PRDM11: variants seen among roughly 807,000 people sequenced by gnomAD.
The protein encoded by PRDM11 is PR domain-containing protein 11.
PRDM11 carries 20 observed loss-of-function variants against 97.8 expected under a neutral mutation model. The ratio of observed to expected loss-of-function variants is 0.20; its 90% CI spans 0.14 to 0.30. The LOEUF (loss-of-function observed/expected upper bound fraction) is 0.30. Ranked by LOEUF, PRDM11 falls within the 10% of genes least tolerant of loss-of-function variation. The pLI, the probability that PRDM11 is intolerant of heterozygous loss-of-function variation, is 1.00. For missense variants in PRDM11, 1,139 were observed against 1,555.2 expected, an observed-to-expected ratio of 0.73 and a Z score of 4.50; for synonymous variants, 599 against 637.7, an observed-to-expected ratio of 0.94 and a Z score of 0.91.
chr11:45,182,293 T>C lies in PRDM11; in HGVS notation c.167T>C (p.Leu56Pro). The C allele has an allele frequency of 6.2e-7, 1 of 1,614,010 alleles. No individual in the cohort carries two copies. Among genetic ancestry groups the C allele is most frequent in the Middle Eastern group, 1.6e-4 (1 of 6,062 alleles). Residue 56 changes from leucine (L) to proline (P), a missense_variant, in exon 3 of 8, where the codon CTG becomes CCG. Leu to Pro is a moderately conservative substitution (Grantham distance 98, BLOSUM62 -3). Transcript: ENST00000683152. ...GCCATGGAAGTTGAGCCCAAGAAACTGAAGGGGAAGCGCGACCTCATCGTG... is the reference window on the plus strand; with the variant it reads ...GCCATGGAAGTTGAGCCCAAGAAACCGAAGGGGAAGCGCGACCTCATCGTG... ...SSAMEVEPKK[L>P]KGKRDLIVPK...
chr11:45,175,930 T>G (rs1359174272), intron 1 of PRDM11, among the ~76,000 whole-genome samples: 1 of 152,260 alleles, frequency 6.6e-6, no homozygotes, highest in African/African-American at 2.4e-5. Context: ...TGGTTTTCCT[T>G]AAAGCATATT....
chr11:45,099,374 T>TCGGGAGG (rs1413723790), intron 1 of PRDM11, among the ~76,000 whole-genome samples: 1 of 147,838 alleles, frequency 6.8e-6, no homozygotes. Context: ...TTGCTTGAAC[T>TCGGGAGG]CGGGAGGCGG....
At chr11:45,116,498 A>G (rs998543182) in intron 1 of PRDM11, among the ~76,000 whole-genome samples, 5 of 152,370 alleles carry the variant, frequency 3.3e-5, no homozygotes, top group Admixed American at 3.3e-4. Context: ...GGTATCTAGA[A>G]AATCCTCAGA....
chr11:45,111,133 C>T (rs182198392), intron 1 of PRDM11, among the ~76,000 whole-genome samples: 27 of 152,208 alleles, frequency 1.8e-4, no homozygotes, highest in Admixed American at 7.2e-4. Context: ...TAATTCTAAG[C>T]ACTAGTTCTT....
intron 1 of PRDM11, among the ~76,000 whole-genome samples, chr11:45,115,934 AAAAAAAAG>A (rs1219043301): frequency 2.6e-5 from 4 of 151,904 alleles, no homozygotes; most frequent in East Asian, 1.9e-4. Context: ...ATCTCAAAAA[AAAAAAAAG>A]AAAAAAAGAA....
chr11:45,188,978 C>T (rs535453974), intron 4 of PRDM11, among the ~76,000 whole-genome samples: 32 of 152,178 alleles, frequency 2.1e-4, no homozygotes, highest in African/African-American at 7.7e-4. Context: ...CTCAGCTCAC[C>T]GCAACCTCTG....
chr11:45,226,683 C>T lies in PRDM11; in HGVS notation c.2058C>T (p.Pro686=), dbSNP rs551530430. The change falls in exon 8 of 8, where the codon CCC becomes CCT. Residue 686 remains proline (P), a synonymous_variant. Coordinates refer to ENST00000683152, the MANE Select transcript of PRDM11 (RefSeq NM_001384648.1). Reference sequence around the variant, plus strand: ...TTCAGTACACCAGCAGTGATGGGCCCCCGGCCACAGAGTTCCTGTCCCTGC... The same window carrying T: ...TTCAGTACACCAGCAGTGATGGGCCTCCGGCCACAGAGTTCCTGTCCCTGC... ...VYVQYTSSDG[P]PATEFLSLQE... The T allele has an allele frequency of 3.3e-6, 5 of 1,533,980 alleles. No homozygotes were observed. The highest frequency in any genetic ancestry group is 1.4e-5 in the African/African-American group (1 of 73,096).
chr11:45,211,826 C>T (rs545155950), intron 5 of PRDM11, among the ~76,000 whole-genome samples: 2 of 152,198 alleles, frequency 1.3e-5, no homozygotes, highest in Admixed American at 6.5e-5. Flanking sequence ...CAAAATCTCA[C>T]AAGTCACCAC....
intron 1 of PRDM11, among the ~76,000 whole-genome samples, chr11:45,134,887 C>T (rs2135654935): frequency 6.6e-6 from 1 of 151,712 alleles, no homozygotes; most frequent in Admixed American, 6.6e-5. Flanking sequence ...TAATGTTTTC[C>T]ATGTTTGCAA....
chr11:45,202,531 G>A (rs1395244986), intron 4 of PRDM11, among the ~76,000 whole-genome samples: 1 of 152,180 alleles, frequency 6.6e-6, no homozygotes, highest in Non-Finnish European at 1.5e-5. Context: ...AATTGAAAAA[G>A]GATATGTTCA....
intron 1 of PRDM11, among the ~76,000 whole-genome samples, chr11:45,131,120 T>C (rs1852709843): frequency 1.3e-5 from 2 of 152,148 alleles, no homozygotes; most frequent in South Asian, 4.1e-4. Context: ...ACAGATACAA[T>C]GATGAGCACA....
At chr11:45,191,553 T>C (rs1189162210) in intron 4 of PRDM11, among the ~76,000 whole-genome samples, 1 of 152,226 alleles carries the variant, frequency 6.6e-6, no homozygotes, top group Non-Finnish European at 1.5e-5. Flanking sequence ...TCTGTCATTA[T>C]TCATTTTGAT....
At chr11:45,187,959 T>C (rs914650828) in intron 4 of PRDM11, among the ~76,000 whole-genome samples, 1 of 152,026 alleles carries the variant, frequency 6.6e-6, no homozygotes, top group Non-Finnish European at 1.5e-5. Context: ...GGGTGAACAG[T>C]GGTGCTGATT....
chr11:45,141,203 T>C (rs1851398109), intron 1 of PRDM11, among the ~76,000 whole-genome samples: 1 of 152,198 alleles, frequency 6.6e-6, no homozygotes, highest in Non-Finnish European at 1.5e-5. Flanking sequence ...CCATAAAGTC[T>C]TGGTTTTAAT....
At chr11:45,210,397 T>C (rs1853685575) in intron 5 of PRDM11, among the ~76,000 whole-genome samples, 1 of 152,202 alleles carries the variant, frequency 6.6e-6, no homozygotes, top group African/African-American at 2.4e-5. Context: ...TAGTTGGGGC[T>C]CAGCAGAAGG....
chr11:45,214,632 C>T (rs1304262262), intron 5 of PRDM11: 2 of 152,174 alleles, frequency 1.3e-5, no homozygotes, highest in East Asian at 3.9e-4. Flanking sequence ...AGCCTGATGG[C>T]TTAATTATTG....
In PRDM11 at chr11:45,227,750, G is replaced by A. The variant is rs532409256; in HGVS notation, c.3125G>A (p.Arg1042Gln). 2.9e-5 allele frequency: 45 copies of A among 1,533,866 alleles called. No homozygotes were observed. The highest frequency in any genetic ancestry group is 1.2e-4 in the Admixed American group (6 of 50,984). Residue 1042 changes from arginine to glutamine, a missense_variant, in exon 8 of 8, where the codon CGA becomes CAA. Around this residue, in one of 2 missense-constraint regions of PRDM11, gnomAD observed 710 missense variants for 1,044.9 expected, o/e 0.68. Transcript: ENST00000683152. The surrounding 1 kb of genome is among the most constrained non-coding windows in gnomAD (Gnocchi z 8.0). ...CGGGGTAGTCTGTTGATGGAGTGGC[G>A]AGAACTCAAGGCTGATTACTACACC... ...DPRGSLLMEW[R>Q]ELKADYYTKN...
intron 1 of PRDM11, among the ~76,000 whole-genome samples, chr11:45,112,429 T>C (rs1277064910): frequency 6.6e-6 from 1 of 152,220 alleles, no homozygotes; most frequent in Non-Finnish European, 1.5e-5. Context: ...CATATAATGA[T>C]GTATTTTTCT....
At chr11:45,108,254 T>G (rs1852097752) in intron 1 of PRDM11, among the ~76,000 whole-genome samples, 1 of 152,120 alleles carries the variant, frequency 6.6e-6, no homozygotes, top group Non-Finnish European at 1.5e-5. Flanking sequence ...GCTGTCTAAT[T>G]CCCCATGAGT....
Sources: gnomAD v4.1 joint callset for allele counts (sites outside exome capture counted in the v4.1 genomes callset) on GRCh38, gnomAD v4.1.1 for gene constraint, gnomAD v4.1.1 regional missense constraint, Gnocchi (gnomAD v3.1) non-coding constraint, MANE v1.5 for transcripts, NCBI Gene and HGNC (gene_info 2026-07-23, HGNC 2026-07-21) for gene names.